RANBP10: variants seen among roughly 807,000 people sequenced by gnomAD.
RANBP10 encodes the protein ran-binding protein 10.
Under a neutral mutation model 72.8 loss-of-function variants are expected in RANBP10, and 24 were observed. The observed-to-expected ratio is 0.33, with a 90% confidence interval of 0.24 to 0.46. RANBP10 has a LOEUF of 0.46. Among genes scored for constraint, RANBP10 ranks in the 20% least tolerant of loss-of-function variants. RANBP10 has a pLI of 1.00. For missense variants in RANBP10, 679 were observed against 817.5 expected, an observed-to-expected ratio of 0.83 and a Z score of 2.07; for synonymous variants, 310 against 322.3, an observed-to-expected ratio of 0.96 and a Z score of 0.41.
In RANBP10 at chr16:67,792,040, G is replaced by A. The variant is rs202009301; in HGVS notation, c.347+13388C>T. Among the ~76,000 whole-genome samples the A allele has an allele frequency of 2.0e-4, 28 of 139,318 alleles. No homozygotes were observed. The East Asian group carries it at 5.3e-3, about 26-fold the overall frequency. 91.4% of individuals were successfully genotyped at this position (139,318 alleles called of 152,430 possible). The stretch of plus-strand genomic sequence containing the variant: ...AGCCTGGGCAACAGAGTGAGACTCC[G>A]TCTCAAAAAAAAAAAAAAAAAGTAA... On this transcript the variant is annotated intron_variant, in intron 2 of 13. Coordinates refer to ENST00000317506, the MANE Select transcript of RANBP10 (RefSeq NM_020850.3).
At chr16:67,789,957 C>A (rs565758962) in intron 2 of RANBP10, among the ~76,000 whole-genome samples, 1 of 151,456 alleles carries the variant, frequency 6.6e-6, no homozygotes, top group East Asian at 1.9e-4. Flanking sequence ...ATTGGCTGGG[C>A]GTGGTGGTGC....
At position 67,724,862 on chromosome 16, in the gene RANBP10, A is replaced by G. The variant is rs895894756; in HGVS notation, c.*1566T>C. 6.6e-6 allele frequency: 1 copy of G among 152,314 alleles called. No individual in the cohort carries two copies. Among genetic ancestry groups the G allele is most frequent in the Non-Finnish European group, 1.5e-5 (1 of 68,084 alleles). The allele number at this position is 152,314 out of a possible 1,614,324, so 9.4% of individuals were successfully genotyped here. A position where few individuals can be genotyped will look rare whatever the true frequency, so the allele number is the denominator to read the frequency against. On this transcript the variant is annotated 3_prime_UTR_variant, in exon 14 of 14. Transcript: ENST00000317506. Reference sequence around the variant, plus strand: ...TCAACTTCCGGCCTTGCCATGGCTGACCCTACTCTTTGCATGGGCGGCTTG... The same window carrying G: ...TCAACTTCCGGCCTTGCCATGGCTGGCCCTACTCTTTGCATGGGCGGCTTG...
intron 2 of RANBP10, among the ~76,000 whole-genome samples, chr16:67,794,835 T>C (rs1156763197): frequency 2.7e-5 from 4 of 146,224 alleles, no homozygotes; most frequent in Non-Finnish European, 6.0e-5. Flanking sequence ...AAAAAAATCC[T>C]ACATATTCTT....
At chr16:67,789,087 A>T (rs1056183748) in intron 2 of RANBP10, among the ~76,000 whole-genome samples, 2 of 151,260 alleles carry the variant, frequency 1.3e-5, no homozygotes, top group African/African-American at 4.9e-5. Flanking sequence ...AGGCGGGCAG[A>T]TTACTTGAGG....
intron 2 of RANBP10, among the ~76,000 whole-genome samples, chr16:67,798,274 GACA>G: frequency 6.6e-6 from 1 of 152,118 alleles, no homozygotes; most frequent in Admixed American, 6.6e-5. Flanking sequence ...GGGCGGGCAG[GACA>G]ACGCCTTCCC....
chr16:67,768,144 C>A (rs1371772545), intron 3 of RANBP10, among the ~76,000 whole-genome samples: 2 of 151,422 alleles, frequency 1.3e-5, no homozygotes, highest in African/African-American at 4.8e-5. Context: ...AATCCCAGCA[C>A]TTTGGGAGGC....
At chr16:67,741,197 A>T (rs2053963095) in intron 4 of RANBP10, among the ~76,000 whole-genome samples, 1 of 152,250 alleles carries the variant, frequency 6.6e-6, no homozygotes, top group Admixed American at 6.5e-5. Flanking sequence ...TCTAGGTATA[A>T]GTCAGCTGTG....
Position 67,725,458 on chromosome 16 carries a change from G to A in RANBP10, c.*970C>T, listed in dbSNP as rs556862759. ...CACAGAAGCTCTCAGGACGAAGGCA[G>A]GTAGTTTCCAGGCAATCAATTTAGA... is the stretch of plus-strand genomic sequence containing the variant. On this transcript the variant is annotated 3_prime_UTR_variant, in exon 14 of 14. Coordinates refer to ENST00000317506, the MANE Select transcript of RANBP10 (RefSeq NM_020850.3). The A allele has an allele frequency of 6.6e-6, 1 of 152,666 alleles. No homozygotes were observed. Among genetic ancestry groups the A allele is most frequent in the East Asian group, 1.9e-4 (1 of 5,208 alleles). The allele number at this position is 152,666 out of a possible 1,614,324, so 9.5% of individuals were successfully genotyped here. A position where few individuals can be genotyped will look rare whatever the true frequency, so the allele number is the denominator to read the frequency against.
intron 3 of RANBP10, among the ~76,000 whole-genome samples, chr16:67,769,563 G>C (rs2054570188): frequency 6.6e-6 from 1 of 150,572 alleles, no homozygotes; most frequent in Non-Finnish European, 1.5e-5. Context: ...GGCTAACATG[G>C]TGAAACCCCG....
intron 3 of RANBP10, among the ~76,000 whole-genome samples, chr16:67,765,036 C>T (rs1198963142): frequency 3.3e-5 from 5 of 151,606 alleles, no homozygotes; most frequent in African/African-American, 4.8e-5. Flanking sequence ...GTGTAAGTAC[C>T]GGTCAAAACA....
rs1208527880 is a variant in RANBP10, at chr16:67,760,078, T to TGA, written c.400+11954_400+11955dup. ...TCATGCCACTGCACTCCAGCCTAGG[T>TGA]GACAGAGCGAGACTCCGTCTCAAAA... On this transcript the variant is annotated intron_variant, in intron 3 of 13. Transcript: ENST00000317506. 3.4e-5 allele frequency among the ~76,000 whole-genome samples: 5 copies of TGA among 145,530 alleles called. No homozygotes were observed. In the East Asian group the frequency reaches 1.0e-3, roughly 29 times the overall value.
At chr16:67,742,073 CTT>C (rs758902349) in intron 4 of RANBP10, among the ~76,000 whole-genome samples, 57 of 140,938 alleles carry the variant, frequency 4.0e-4, no homozygotes, top group Admixed American at 3.6e-4. Flanking sequence ...CTAAGTGATT[CTT>C]TTTTTTTTTT....
chr16:67,748,536 A>C (rs1464265974), intron 3 of RANBP10, among the ~76,000 whole-genome samples: 1 of 151,878 alleles, frequency 6.6e-6, no homozygotes, highest in African/African-American at 2.4e-5. Flanking sequence ...AAAAAAAAAC[A>C]AAGTGCATGG....
rs529314875 is a variant in RANBP10, at chr16:67,775,575, G to A, written c.348-3489C>T. On this transcript the variant is annotated intron_variant, in intron 2 of 13. Transcript: ENST00000317506. The stretch of plus-strand genomic sequence containing the variant: ...TGCCTGTAATCCCAGAACTTTGGGA[G>A]GCTGAAGCAGGAAGATCGCTTGAGC... 3.3e-5 allele frequency among the ~76,000 whole-genome samples: 5 copies of A among 152,152 alleles called. No homozygotes were observed. The South Asian group carries it at 8.3e-4, about 25-fold the overall frequency.
In RANBP10 at chr16:67,726,268, A is replaced by AAAGG. The variant is rs940470317; in HGVS notation, c.*156_*159dup. 2.1e-5 allele frequency: 23 copies of AAAGG among 1,093,174 alleles called. No homozygotes were observed. The African/African-American group carries it at 2.5e-4, about 12-fold the overall frequency. 67.7% of individuals were successfully genotyped at this position (1,093,174 alleles called of 1,614,324 possible). A position where few individuals can be genotyped will look rare whatever the true frequency, so the allele number is the denominator to read the frequency against. ...AGACTGAGCGGGGTGGTGGGCAGAG[A>AAAGG]AAGGAAGGAAGGAAGGAAAGGGAGA... On this transcript the variant is annotated 3_prime_UTR_variant, in exon 14 of 14. Transcript: ENST00000317506.
chr16:67,782,601 C>T (rs1280333804), intron 2 of RANBP10, among the ~76,000 whole-genome samples: 15 of 151,800 alleles, frequency 9.9e-5, no homozygotes, highest in African/African-American at 4.8e-5. Flanking sequence ...ACAAGGCGTG[C>T]GCTACCACAC....
At position 67,729,326 on chromosome 16, in the gene RANBP10, A is replaced by T. The variant is rs1237030271; in HGVS notation, c.1306T>A (p.Ser436Thr). 6.2e-7 allele frequency: 1 copy of T among 1,612,258 alleles called. No homozygotes were observed. The change falls in exon 10 of 14, where the codon TCC (serine) becomes ACC (threonine). Residue 436 changes from serine (S) to threonine (T), a missense_variant. Coordinates refer to ENST00000317506, the MANE Select transcript of RANBP10 (RefSeq NM_020850.3). This position sits in a 1 kb window ranked among gnomAD's most constrained non-coding sequence, Gnocchi z 7.1. Reference protein sequence around the residue: ...VNYSESNSTDSTKSQHHSSTS... With the variant: ...VNYSESNSTDTTKSQHHSSTS... ...CTGCTGTGGTGCTGGGACTTGGTGGAGTCTGTTGAGTTGGACTCGGAGTAA... is the reference window on the plus strand; with the variant it reads ...CTGCTGTGGTGCTGGGACTTGGTGGTGTCTGTTGAGTTGGACTCGGAGTAA...
intron 2 of RANBP10, among the ~76,000 whole-genome samples, chr16:67,778,893 G>C (rs910081413): frequency 5.9e-5 from 9 of 152,022 alleles, no homozygotes; most frequent in Non-Finnish European, 1.2e-4. Flanking sequence ...AGGAGTTCAA[G>C]ACCAGCCTGA....
Position 67,806,343 on chromosome 16 carries a change from T to C in RANBP10, c.194A>G (p.Tyr65Cys), listed in dbSNP as rs1175597495. The C allele has an allele frequency of 3.1e-6, 5 of 1,613,496 alleles. No individual in the cohort carries two copies. The highest frequency in any genetic ancestry group is 4.2e-6 in the Non-Finnish European group (5 of 1,179,746). ...RSWSPKDKYN[Y>C]IGLSQGNLRV... ...GAGGTTGCCCTGGGAGAGACCAATG[T>C]AGTTGTATTTGTCCTTGGGGCTCCA... The change falls in exon 1 of 14, where the codon TAC (tyrosine) becomes TGC (cysteine). Residue 65 changes from tyrosine (Y) to cysteine (C), a missense_variant. Transcript: ENST00000317506.
Sources: allele counts gnomAD v4.1 joint callset (sites outside exome capture counted in the v4.1 genomes callset), GRCh38; gene constraint gnomAD v4.1.1; non-coding constraint Gnocchi (gnomAD v3.1); transcripts MANE v1.5; gene names NCBI Gene and HGNC (gene_info 2026-07-23, HGNC 2026-07-21).